The following GPS1 variants were observed in gnomAD, a reference collection of about 807,000 sequenced individuals.
GPS1 encodes the protein G protein pathway suppressor 1.
In GPS1, 11 loss-of-function variants were observed where a neutral mutation model predicts 60.0. The observed-to-expected ratio is 0.18, with a 90% CI of 0.12 to 0.30. GPS1 has a LOEUF of 0.30. Among genes scored for constraint, GPS1 ranks in the 10% least tolerant of loss-of-function variants. The pLI, the probability that GPS1 is intolerant of heterozygous loss-of-function variation, is 1.00. For missense variants in GPS1, 543 were observed against 669.2 expected (o/e 0.81, Z 2.08); for synonymous variants, 343 against 269.8 (o/e 1.27, Z -2.66).
In GPS1 at chr17:82,053,865, C is replaced by T. The variant is rs1312392409; in HGVS notation, c.127-3C>T. On this transcript the variant is annotated splice_region_variant and splice_polypyrimidine_tract_variant and intron_variant, in intron 2 of 12. Coordinates refer to ENST00000578552, the MANE Select transcript of GPS1 (RefSeq NM_001321092.3). Reference sequence around the variant, plus strand: ...CCTGACTCTTGTCTGTGCCTGCTCCCAGGATCTGGAACAGTACGCGGCCAG... The same window carrying T: ...CCTGACTCTTGTCTGTGCCTGCTCCTAGGATCTGGAACAGTACGCGGCCAG... The T allele has an allele frequency of 6.2e-7, 1 of 1,603,904 alleles. No individual in the cohort carries two copies. The highest frequency in any genetic ancestry group is 1.7e-5 in the Admixed American group (1 of 59,750).
At chr17:82,051,806 G>C, upstream of GPS1, 1 of 1,132,306 alleles carries the variant, frequency 8.8e-7, no homozygotes, top group Non-Finnish European at 1.1e-6. The surrounding 1 kb of genome is among the most constrained non-coding windows in gnomAD (Gnocchi z 4.1). Context: ...CGGAGAACCT[G>C]GCCGGAGCCG....
chr17:82,051,300 G>A, upstream of GPS1: 1 of 1,421,962 alleles, frequency 7.0e-7, no homozygotes, highest in Non-Finnish European at 9.2e-7. The surrounding 1 kb of genome is among the most constrained non-coding windows in gnomAD (Gnocchi z 4.1). Flanking sequence ...TCACCGCCCT[G>A]GAGCTCGAGC....
At position 82,056,759 on chromosome 17, in the gene GPS1, A is replaced by G. The variant is rs1238606645; in HGVS notation, c.1247A>G (p.His416Arg). Residue 416 changes from histidine to arginine, a missense_variant, in exon 11 of 13, where the codon CAC becomes CGC. His to Arg is a conservative substitution (Grantham distance 29, BLOSUM62 0). Transcript: ENST00000578552. ...EGLISARVDS[H>R]SKILYARDVD... ...CTGATCAGTGCCCGTGTGGACTCAC[A>G]CAGCAAGGTGGCTGTGGGCTGCGGG... 6.3e-7 allele frequency: 1 copy of G among 1,593,044 alleles called. No individual in the cohort carries two copies. Among genetic ancestry groups the G allele is most frequent in the South Asian group, 1.1e-5 (1 of 88,050 alleles).
chr17:82,052,055 G>T (rs1257104802), intron 1 of GPS1, 91 bp downstream of exon 1: 2 of 997,782 alleles, frequency 2.0e-6, no homozygotes, highest in African/African-American at 1.7e-5. Flanking sequence ...CGGGGCCTGC[G>T]CCAGGAGTCG....
Position 82,057,272 on chromosome 17 carries a change from T to A in GPS1, c.*145T>A, listed in dbSNP as rs1240186456. 1 of 1,071,458 alleles carries A rather than the reference T, an allele frequency of 9.3e-7. No homozygotes were observed. The allele number at this position is 1,071,458 out of a possible 1,614,324, so 66.4% of individuals were successfully genotyped here. ...CCAGCCTGTGTGCCCTCCCTGGGGCTGAGGAGGCAGGCGGCTGCTAGTTGT... is the reference window on the plus strand; with the variant it reads ...CCAGCCTGTGTGCCCTCCCTGGGGCAGAGGAGGCAGGCGGCTGCTAGTTGT... On this transcript the variant is annotated 3_prime_UTR_variant, in exon 13 of 13. Transcript: ENST00000578552.
intron 7 of GPS1, 34 bp downstream of exon 7, chr17:82,055,859 C>A: frequency 6.6e-7 from 1 of 1,514,270 alleles, no homozygotes; most frequent in Non-Finnish European, 9.0e-7. Context: ...GGAGGCAGAG[C>A]ATGGGCTCAT....
At chr17:82,052,964 C>T (rs533414439) in intron 1 of GPS1, 5 of 271,974 alleles carry the variant, frequency 1.8e-5, no homozygotes, top group African/African-American at 8.9e-5. Context: ...CCTCAGAGGC[C>T]CCTGTGTAGT....
At position 82,057,107 on chromosome 17, in the gene GPS1, C is replaced by A. The variant is rs146188371; in HGVS notation, c.1444C>A (p.Arg482=). 6.4e-6 allele frequency: 10 copies of A among 1,573,776 alleles called. No homozygotes were observed. The highest frequency in any genetic ancestry group is 8.6e-6 in the Non-Finnish European group (10 of 1,157,968). ...GELTPANSQS[R]MSTNM is the part of the protein sequence containing the mutation. The stretch of plus-strand genomic sequence containing the variant: ...GCTGACTCCAGCCAACAGCCAGTCC[C>A]GGATGAGCACCAACATGTGAGGGGT... Residue 482 remains arginine (R), a synonymous_variant, in exon 13 of 13, where the codon CGG becomes AGG. Coordinates refer to ENST00000578552, the MANE Select transcript of GPS1 (RefSeq NM_001321092.3).
intron 12 of GPS1, 37 bp downstream of exon 12, chr17:82,057,011 TG>T: frequency 6.2e-7 from 1 of 1,611,416 alleles, no homozygotes; most frequent in Non-Finnish European, 8.5e-7. Flanking sequence ...GCACGGCGTG[TG>T]GGGCCTGGTG....
At chr17:82,055,463 C>T (rs995807424) in intron 6 of GPS1, 16 of 615,038 alleles carry the variant, frequency 2.6e-5, no homozygotes, top group Admixed American at 1.6e-4. Flanking sequence ...TCTGCCAGCC[C>T]GAGCTGCTCT....
chr17:82,052,314 A>G (rs2030950301), intron 1 of GPS1: 3 of 1,612,846 alleles, frequency 1.9e-6, no homozygotes, highest in Non-Finnish European at 2.5e-6. Context: ...AGAATGAGGG[A>G]TAGCTCGGCC....
At chr17:82,051,273 C>T (rs773311819), upstream of GPS1, 6 of 1,350,216 alleles carry the variant, frequency 4.4e-6, no homozygotes, top group Non-Finnish European at 4.8e-6. This position sits in a 1 kb window ranked among gnomAD's most constrained non-coding sequence, Gnocchi z 4.1. Flanking sequence ...CCGCGGGCGC[C>T]GGGGAGTGGG....
upstream of GPS1, chr17:82,051,348 G>A (rs369968359): frequency 2.0e-5 from 29 of 1,468,228 alleles, no homozygotes; most frequent in African/African-American, 3.4e-4. The surrounding 1 kb of genome is among the most constrained non-coding windows in gnomAD (Gnocchi z 4.1). Context: ...AACGTCTGGG[G>A]GAGAAACAAT....
Position 82,057,397 on chromosome 17 carries a change from C to G in GPS1, c.*270C>G. ...ACCCAGGCCCAGTGGCACCATTTCC[C>G]AGACCCCTCCTGTTCCCGCCTCAGT... On this transcript the variant is annotated 3_prime_UTR_variant, in exon 13 of 13. Transcript: ENST00000578552. The G allele has an allele frequency of 1.5e-6, 1 of 658,498 alleles. No individual in the cohort carries two copies. Among genetic ancestry groups the G allele is most frequent in the Non-Finnish European group, 2.8e-6 (1 of 356,054 alleles). The allele number at this position is 658,498 out of a possible 1,614,324, so 40.8% of individuals were successfully genotyped here. A position where few individuals can be genotyped will look rare whatever the true frequency, so the allele number is the denominator to read the frequency against.
chr17:82,051,603 A>G (rs1469825762), upstream of GPS1: 14 of 1,232,310 alleles, frequency 1.1e-5, no homozygotes, highest in South Asian at 2.5e-4. This position sits in a 1 kb window ranked among gnomAD's most constrained non-coding sequence, Gnocchi z 4.1. Context: ...GTCAGGCCGC[A>G]GGCTGGGGGC....
chr17:82,054,300 G>A, intron 3 of GPS1: 2 of 793,652 alleles, frequency 2.5e-6, no homozygotes. Context: ...CTCCCTGCTG[G>A]TTTCCCCACC....
intron 12 of GPS1, 21 bp downstream of exon 12, chr17:82,056,995 G>C: frequency 6.2e-7 from 1 of 1,612,372 alleles, no homozygotes; most frequent in Non-Finnish European, 8.5e-7. Flanking sequence ...TTGAGGGGGG[G>C]CAGGCGCACG....
At chr17:82,051,147 G>T (rs1460396022), upstream of GPS1, 2 of 1,315,098 alleles carry the variant, frequency 1.5e-6, no homozygotes, top group Admixed American at 3.9e-5. This position sits in a 1 kb window ranked among gnomAD's most constrained non-coding sequence, Gnocchi z 4.1. Flanking sequence ...TCCGCAGGCC[G>T]CGTGACCTGG....
intron 2 of GPS1, 121 bp from the exon 3 acceptor site, chr17:82,053,746 TG>T: frequency 2.1e-6 from 2 of 969,990 alleles, no homozygotes; most frequent in Non-Finnish European, 3.0e-6. Context: ...TGCCCGGTTC[TG>T]GTTATGGGCC....
Sources: allele counts gnomAD v4.1 joint callset, GRCh38; gene constraint gnomAD v4.1.1; non-coding constraint Gnocchi (gnomAD v3.1); transcripts MANE v1.5; gene names NCBI Gene and HGNC (gene_info 2026-07-23, HGNC 2026-07-21).